Variants in PDE10A observed in about 807,000 individuals in gnomAD.
The protein encoded by PDE10A is cAMP and cAMP-inhibited cGMP 3',5'-cyclic phosphodiesterase 10A.
PDE10A carries 39 observed loss-of-function variants against 97.7 expected under a neutral mutation model. The observed-to-expected ratio is 0.40, with a 90% CI of 0.31 to 0.52. The LOEUF (loss-of-function observed/expected upper bound fraction) is 0.52, where lower values mean the gene tolerates loss of function less well. Ranked by LOEUF, PDE10A falls within the 20% of genes least tolerant of loss-of-function variation. PDE10A has a pLI of 0.56. For missense variants in PDE10A, 731 were observed against 1,047.8 expected, an observed-to-expected ratio of 0.70 and a Z score of 4.17; for synonymous variants, 371 against 376.8, an observed-to-expected ratio of 0.98 and a Z score of 0.18.
chr6:165,796,005 T>G (rs1180383541), intron 1 of PDE10A, among the ~76,000 whole-genome samples: 1 of 152,134 alleles, frequency 6.6e-6, no homozygotes, highest in Non-Finnish European at 1.5e-5. Context: ...TCATCTGAAG[T>G]CTTTGCTCAT....
rs188564822 is a variant in PDE10A at position 165,819,742 on chromosome 6, C to T, written c.-615+167787G>A. Among the ~76,000 whole-genome samples the T allele has an allele frequency of 4.6e-5, 7 of 152,266 alleles. No homozygotes were observed. The East Asian group carries it at 7.7e-4, about 17-fold the overall frequency. ...CCGCCCTCCCGCTGTGAGCACATTC[C>T]GGCCAGGATCTGAAACCTACTGCAG... On this transcript the variant is annotated intron_variant, in intron 1 of 19. Transcript: ENST00000366882. The surrounding 1 kb of genome is among the most constrained non-coding windows in gnomAD (Gnocchi z 4.2).
intron 1 of PDE10A, among the ~76,000 whole-genome samples, chr6:165,746,059 G>A (rs1002007030): frequency 6.6e-6 from 1 of 152,200 alleles, no homozygotes; most frequent in African/African-American, 2.4e-5. Flanking sequence ...TACGTGAATG[G>A]ATACACATAT....
intron 1 of PDE10A, among the ~76,000 whole-genome samples, chr6:165,553,650 A>C (rs1763413709): frequency 1.3e-5 from 2 of 152,212 alleles, no homozygotes; most frequent in African/African-American, 4.8e-5. Flanking sequence ...GGGGTGCCTT[A>C]GCTGCAGAGA....
intron 1 of PDE10A, among the ~76,000 whole-genome samples, chr6:165,885,304 A>G (rs1781598000): frequency 6.6e-6 from 1 of 152,190 alleles, no homozygotes; most frequent in South Asian, 2.1e-4. Context: ...CGGAAGGCAA[A>G]GGGGAAGTGG....
At chr6:165,727,921 A>G in intron 1 of PDE10A, among the ~76,000 whole-genome samples, 1 of 152,248 alleles carries the variant, frequency 6.6e-6, no homozygotes, top group Non-Finnish European at 1.5e-5. Context: ...GAAAGGAAAA[A>G]AAGAAAGGAG....
chr6:165,502,567 C>T (rs1263353164), intron 2 of PDE10A, among the ~76,000 whole-genome samples: 1 of 152,006 alleles, frequency 6.6e-6, no homozygotes, highest in Non-Finnish European at 1.5e-5. Context: ...CACCAAGTAC[C>T]CATTAGAATG....
chr6:165,621,548 G>T (rs1788134879), intron 1 of PDE10A, among the ~76,000 whole-genome samples: 1 of 152,064 alleles, frequency 6.6e-6, no homozygotes, highest in Non-Finnish European at 1.5e-5. Flanking sequence ...ACAAGGTCAG[G>T]AGTTCAAGAT....
At chr6:165,822,056 G>A (rs1310238624) in intron 1 of PDE10A, among the ~76,000 whole-genome samples, 3 of 152,296 alleles carry the variant, frequency 2.0e-5, no homozygotes, top group African/African-American at 7.2e-5. Flanking sequence ...TTCTGAACTC[G>A]GCAAACACTT....
At chr6:165,725,529 C>T (rs538415294) in intron 1 of PDE10A, among the ~76,000 whole-genome samples, 1 of 152,324 alleles carries the variant, frequency 6.6e-6, no homozygotes, top group East Asian at 1.9e-4. Context: ...GGGAACTTTT[C>T]CCGTTTCAGT....
At chr6:165,333,150 C>T in intron 21 of PDE10A, 23 bp from the exon 22 acceptor site, 1 of 1,365,880 alleles carries the variant, frequency 7.3e-7, no homozygotes, top group Non-Finnish European at 1.0e-6. Context: ...GATGCAGTTT[C>T]AGGAGAAGCT....
At chr6:165,491,097 G>T (rs1780200835) in intron 2 of PDE10A, among the ~76,000 whole-genome samples, 1 of 152,170 alleles carries the variant, frequency 6.6e-6, no homozygotes. Context: ...CAAGTGGCAG[G>T]AGTAGCTATT....
chr6:165,431,489 A>T lies in PDE10A; in HGVS notation c.1492-17T>A. ...TGTTGCAACCTAAAAAAAACAAGAA[A>T]TACATACCTATAAGTAATAATACAT... On this transcript the variant is annotated splice_polypyrimidine_tract_variant and intron_variant, in intron 7 of 21. Coordinates refer to ENST00000539869, the MANE Select transcript of PDE10A (RefSeq NM_001385079.1). 1 of 1,480,988 alleles carries T rather than the reference A, an allele frequency of 6.8e-7. No individual in the cohort carries two copies. The highest frequency in any genetic ancestry group is 9.4e-7 in the Non-Finnish European group (1 of 1,068,714). 91.7% of individuals were successfully genotyped at this position (1,480,988 alleles called of 1,614,324 possible). A position where few individuals can be genotyped will look rare whatever the true frequency, so the allele number is the denominator to read the frequency against.
intron 5 of PDE10A, among the ~76,000 whole-genome samples, chr6:165,437,483 T>A (rs1386318760): frequency 6.6e-6 from 1 of 152,212 alleles, no homozygotes; most frequent in African/African-American, 2.4e-5. Context: ...TTACGCTTGC[T>A]GAAAATAAAA....
chr6:165,402,550 C>T (rs1234941310), intron 13 of PDE10A, among the ~76,000 whole-genome samples: 1 of 152,030 alleles, frequency 6.6e-6, no homozygotes, highest in Non-Finnish European at 1.5e-5. Flanking sequence ...TTGCCTATAA[C>T]ACTGCGTAAA....
chr6:165,839,806 C>G (rs1780172646), intron 1 of PDE10A, among the ~76,000 whole-genome samples: 40 of 22,466 alleles, frequency 1.8e-3, no homozygotes, highest in East Asian at 3.3e-3. Flanking sequence ...ATCCCCTTCT[C>G]CAGCTCCATC....
intron 1 of PDE10A, among the ~76,000 whole-genome samples, chr6:165,618,669 A>C (rs1383127021): frequency 6.6e-6 from 1 of 152,150 alleles, no homozygotes; most frequent in Non-Finnish European, 1.5e-5. Flanking sequence ...ACTGACATGC[A>C]ATGAAGTCAG....
rs116456852 is a variant in PDE10A, at chr6:165,903,318, C to T, written c.-615+84211G>A. Among the ~76,000 whole-genome samples the T allele has an allele frequency of 7.5e-3, 1,148 of 152,248 alleles. 18 individuals are homozygous for T. The highest frequency in any genetic ancestry group is 0.026 in the African/African-American group (1,066 of 41,528). On this transcript the variant is annotated intron_variant, in intron 1 of 19. Transcript: ENST00000366882. ...CACTGCAGTGGAACATGGAGGAAGGCTAATTTGCTTAGAAGTTGAACTAGT... is the reference window on the plus strand; with the variant it reads ...CACTGCAGTGGAACATGGAGGAAGGTTAATTTGCTTAGAAGTTGAACTAGT...
At chr6:165,509,586 A>T (rs1583434650) in intron 2 of PDE10A, among the ~76,000 whole-genome samples, 1 of 147,060 alleles carries the variant, frequency 6.8e-6, no homozygotes, top group South Asian at 2.1e-4. Flanking sequence ...AAATTTCAGG[A>T]TTTTTTTTTT....
At chr6:165,960,210 G>A (rs1784314670) in intron 1 of PDE10A, among the ~76,000 whole-genome samples, 1 of 152,086 alleles carries the variant, frequency 6.6e-6, no homozygotes, top group Admixed American at 6.6e-5. Flanking sequence ...AAGAAAACTA[G>A]AATTCTGAAA....
Sources: gnomAD v4.1 joint callset for allele counts (sites outside exome capture counted in the v4.1 genomes callset) on GRCh38, gnomAD v4.1.1 for gene constraint, Gnocchi (gnomAD v3.1) non-coding constraint, MANE v1.5 for transcripts, NCBI Gene and HGNC (gene_info 2026-07-23, HGNC 2026-07-21) for gene names.